The following ZNF469 variants were observed in gnomAD, a reference collection of about 807,000 sequenced individuals.
ZNF469 encodes the protein zinc finger protein 469.
In ZNF469, 1 loss-of-function variant was observed where a neutral mutation model predicts 1.0. The observed-to-expected ratio is 1.00, with a 90% CI of 0.35 to 4.73. The LOEUF (loss-of-function observed/expected upper bound fraction) is 4.73. Among genes scored for constraint, ZNF469 ranks in the 30% most tolerant of loss-of-function variants. The pLI, the probability that ZNF469 is intolerant of heterozygous loss-of-function variation, is 0.16. For missense variants in ZNF469, 6,100 were observed against 5,356.3 expected, an observed-to-expected ratio of 1.14 and a Z score of -4.33; for synonymous variants, 2,703 against 2,363.4, an observed-to-expected ratio of 1.14 and a Z score of -4.17.
the ZNF469 span, among the ~76,000 whole-genome samples, chr16:88,144,570 G>A: frequency 2.0e-5 from 3 of 152,198 alleles, no homozygotes; most frequent in Non-Finnish European, 2.9e-5. Flanking sequence ...GGTCACAGAC[G>A]CAGTGTGTGC....
the ZNF469 span, among the ~76,000 whole-genome samples, chr16:88,305,225 C>T: frequency 6.6e-6 from 1 of 151,790 alleles, no homozygotes; most frequent in Non-Finnish European, 1.5e-5. Context: ...CCCTCACACA[C>T]ATGCACACAC....
chr16:88,146,841 G>A, the ZNF469 span, among the ~76,000 whole-genome samples: 3 of 152,032 alleles, frequency 2.0e-5, no homozygotes, highest in Non-Finnish European at 4.4e-5. Flanking sequence ...GGGGCTGAAC[G>A]TGACCAACGG....
At chr16:88,152,081 C>G in the ZNF469 span, among the ~76,000 whole-genome samples, 1 of 152,162 alleles carries the variant, frequency 6.6e-6, no homozygotes, top group South Asian at 2.1e-4. The surrounding 1 kb of genome is among the most constrained non-coding windows in gnomAD (Gnocchi z 4.2). Context: ...ACAGAGAGAG[C>G]TGGCTTTGGA....
upstream of ZNF469, among the ~76,000 whole-genome samples, chr16:88,379,024 C>T (rs575534075): frequency 5.9e-5 from 9 of 152,274 alleles, no homozygotes; most frequent in South Asian, 6.2e-4. Context: ...GCGCTGACCT[C>T]GAGTGCCAAT....
chr16:88,298,297 T>C, the ZNF469 span, among the ~76,000 whole-genome samples: 1 of 152,166 alleles, frequency 6.6e-6, no homozygotes. Flanking sequence ...ACCAAGAACA[T>C]GCCTCGAGCG....
At chr16:88,141,828 G>C in the ZNF469 span, among the ~76,000 whole-genome samples, 1 of 152,238 alleles carries the variant, frequency 6.6e-6, no homozygotes, top group African/African-American at 2.4e-5. Context: ...CTGGAAGCCA[G>C]AAAAGGCAGG....
intron 1 of ZNF469, among the ~76,000 whole-genome samples, chr16:88,419,520 A>G (rs565060524): frequency 6.6e-6 from 1 of 152,162 alleles, no homozygotes; most frequent in East Asian, 1.9e-4. Context: ...CCCATGGCAC[A>G]TATTTCTTGG....
At chr16:88,130,194 C>T in the ZNF469 span, among the ~76,000 whole-genome samples, 1 of 152,266 alleles carries the variant, frequency 6.6e-6, no homozygotes, top group Non-Finnish European at 1.5e-5. Context: ...GGTGCGTGCG[C>T]AGGAAACGGG....
the ZNF469 span, among the ~76,000 whole-genome samples, chr16:88,157,100 C>A: frequency 6.6e-6 from 1 of 152,206 alleles, no homozygotes. Context: ...CTCTGCAGGG[C>A]TCCTGTGTCC....
chr16:88,415,397 C>G (rs1411652147), intron 1 of ZNF469, among the ~76,000 whole-genome samples: 1 of 152,234 alleles, frequency 6.6e-6, no homozygotes, highest in African/African-American at 2.4e-5. Context: ...CTCAGCCAGA[C>G]TCCACCCCTG....
At chr16:88,349,667 G>C in the ZNF469 span, among the ~76,000 whole-genome samples, 6 of 40,772 alleles carry the variant, frequency 1.5e-4, no homozygotes, top group African/African-American at 4.8e-4. Flanking sequence ...AATACACACT[G>C]CACCCAAGTG....
At chr16:88,190,804 A>G in the ZNF469 span, among the ~76,000 whole-genome samples, 2 of 152,330 alleles carry the variant, frequency 1.3e-5, no homozygotes, top group Non-Finnish European at 2.9e-5. Flanking sequence ...ACTGACTTCT[A>G]TGGAGTATCA....
At chr16:88,151,610 T>C in the ZNF469 span, among the ~76,000 whole-genome samples, 7 of 152,242 alleles carry the variant, frequency 4.6e-5, no homozygotes, top group African/African-American at 1.7e-4. The surrounding 1 kb of genome is among the most constrained non-coding windows in gnomAD (Gnocchi z 5.4). Flanking sequence ...CTGCTTCTAG[T>C]GTCTTCCGTG....
At chr16:88,241,482 C>G in the ZNF469 span, among the ~76,000 whole-genome samples, 1 of 152,138 alleles carries the variant, frequency 6.6e-6, no homozygotes, top group Non-Finnish European at 1.5e-5. This position sits in a 1 kb window ranked among gnomAD's most constrained non-coding sequence, Gnocchi z 4.8. Context: ...GGACAGTGCT[C>G]TCACTGGGGT....
chr16:88,103,498 G>A, the ZNF469 span, among the ~76,000 whole-genome samples: 37 of 152,206 alleles, frequency 2.4e-4, no homozygotes, highest in African/African-American at 8.2e-4. Flanking sequence ...CTCCTGGGTG[G>A]GGCTGTCACT....
At chr16:88,209,098 G>A in the ZNF469 span, among the ~76,000 whole-genome samples, 1 of 151,954 alleles carries the variant, frequency 6.6e-6, no homozygotes. Flanking sequence ...AGAGTCACCT[G>A]CCCCCTCTTT....
the ZNF469 span, among the ~76,000 whole-genome samples, chr16:88,238,595 T>C: frequency 1.3e-5 from 2 of 152,244 alleles, no homozygotes; most frequent in East Asian, 3.8e-4. Context: ...GGTTGGAGAC[T>C]GGGGTTTGCC....
chr16:88,263,971 G>A, the ZNF469 span, among the ~76,000 whole-genome samples: 4 of 152,074 alleles, frequency 2.6e-5, no homozygotes, highest in Non-Finnish European at 4.4e-5. Flanking sequence ...CACAGAAAGC[G>A]CTTCTCCACT....
chr16:88,304,962 A>G, the ZNF469 span, among the ~76,000 whole-genome samples: 1 of 152,038 alleles, frequency 6.6e-6, no homozygotes, highest in South Asian at 2.1e-4. Context: ...AGCCACACCC[A>G]AGTTCCATCT....
Sources: allele counts gnomAD v4.1 joint callset (sites outside exome capture counted in the v4.1 genomes callset), GRCh38; gene constraint gnomAD v4.1.1; non-coding constraint Gnocchi (gnomAD v3.1); transcripts MANE v1.5; gene names NCBI Gene and HGNC (gene_info 2026-07-23, HGNC 2026-07-21).